BTD: variants seen among roughly 807,000 people sequenced by gnomAD.
BTD encodes biocytinase.
BTD carries 13 observed loss-of-function variants against 17.7 expected under a neutral mutation model. The ratio of observed to expected loss-of-function variants is 0.74; its 90% CI spans 0.48 to 1.17. BTD has a LOEUF of 1.17. Among genes scored for constraint, BTD ranks in the 50% most tolerant of loss-of-function variants. The pLI, the probability that BTD is intolerant of heterozygous loss-of-function variation, is 0.00. For synonymous variants in BTD, 240 were observed against 245.2 expected (o/e 0.98, Z 0.20); for missense variants, 674 against 650.4 (o/e 1.04, Z -0.39).
chr3:15,709,172 A>T (rs1453189765), intron 3 of BTD, among the ~76,000 whole-genome samples: 1 of 152,160 alleles, frequency 6.6e-6, no homozygotes, highest in Non-Finnish European at 1.5e-5. Flanking sequence ...GTGTGGATAT[A>T]TGTGTGTGAG....
intron 3 of BTD, chr3:15,668,296 A>C (rs1009087586): frequency 6.6e-6 from 1 of 152,174 alleles, no homozygotes; most frequent in Admixed American, 6.6e-5. Context: ...GGGAATTCAG[A>C]AGAGAATTCC....
intron 4 of BTD, among the ~76,000 whole-genome samples, chr3:15,719,995 A>G (rs942260473): frequency 8.6e-5 from 13 of 151,990 alleles, no homozygotes; most frequent in African/African-American, 3.1e-4. Context: ...TCAACCTCCC[A>G]AGTAGCTGGG....
intron 1 of BTD, among the ~76,000 whole-genome samples, chr3:15,626,405 G>T (rs1188592823): frequency 2.0e-5 from 3 of 152,104 alleles, no homozygotes; most frequent in African/African-American, 7.2e-5. Flanking sequence ...CATGGAAGAC[G>T]CTGAAACCTC....
intron 1 of BTD, among the ~76,000 whole-genome samples, chr3:15,615,640 G>A (rs113746872): frequency 1.4e-3 from 215 of 152,254 alleles, no homozygotes; most frequent in African/African-American, 5.1e-3. Context: ...ATAAAATTGA[G>A]CAGAAAGTAC....
chr3:15,679,484 A>G (rs773830093), intron 3 of BTD: 2 of 1,613,934 alleles, frequency 1.2e-6, no homozygotes, highest in African/African-American at 1.3e-5. Context: ...ACACGGCACA[A>G]TGCAATGGAC....
rs2065697076 is a variant in BTD, at chr3:15,646,426, T to TA, written c.*940dup. On this transcript the variant is annotated 3_prime_UTR_variant, in exon 4 of 4. Coordinates refer to ENST00000643237, the MANE Select transcript of BTD (RefSeq NM_001370658.1). ...AGCGATGCCTGGCACCCCATAGAGA[T>TA]AAGTTGCAGGGACTGCCGTGAAGGG... 1 of 152,224 alleles carries TA rather than the reference T, an allele frequency of 6.6e-6. No individual in the cohort carries two copies. The highest frequency in any genetic ancestry group is 2.1e-4 in the South Asian group (1 of 4,836). The allele number at this position is 152,224 out of a possible 1,614,324, so 9.4% of individuals were successfully genotyped here. A position where few individuals can be genotyped will look rare whatever the true frequency, so the allele number is the denominator to read the frequency against.
intron 1 of BTD, among the ~76,000 whole-genome samples, chr3:15,622,780 A>G (rs1225980131): frequency 6.6e-6 from 1 of 152,112 alleles, no homozygotes; most frequent in Non-Finnish European, 1.5e-5. Flanking sequence ...TGTTGAATTA[A>G]CCCCTTTATC....
chr3:15,692,668 G>A (rs777750100), intron 3 of BTD, among the ~76,000 whole-genome samples: 7 of 152,184 alleles, frequency 4.6e-5, no homozygotes, highest in Non-Finnish European at 1.0e-4. Flanking sequence ...CCGAATGGGA[G>A]AGTTTCGTGT....
At chr3:15,610,884 CAAA>C (rs1559578028) in intron 1 of BTD, among the ~76,000 whole-genome samples, 2 of 141,668 alleles carry the variant, frequency 1.4e-5, no homozygotes, top group African/African-American at 5.3e-5. Flanking sequence ...TTTTAAAAAA[CAAA>C]GAAGTGATGA....
intron 3 of BTD, among the ~76,000 whole-genome samples, chr3:15,688,009 C>G (rs767849335): frequency 1.3e-5 from 2 of 152,162 alleles, no homozygotes; most frequent in Non-Finnish European, 2.9e-5. Flanking sequence ...TGAAAGGCAT[C>G]TATAGATACA....
At chr3:15,679,490 T>C (rs771137903) in intron 3 of BTD, 3 of 1,613,940 alleles carry the variant, frequency 1.9e-6, no homozygotes, top group Non-Finnish European at 2.5e-6. Context: ...CACAATGCAA[T>C]GGACTAAAAG....
chr3:15,611,631 G>A (rs577834684), intron 1 of BTD, among the ~76,000 whole-genome samples: 1 of 151,504 alleles, frequency 6.6e-6, no homozygotes, highest in South Asian at 2.1e-4. Context: ...TCTTTTATCC[G>A]AAGTTTTGGT....
At chr3:15,627,826 A>G (rs1227150518) in intron 1 of BTD, among the ~76,000 whole-genome samples, 1 of 152,164 alleles carries the variant, frequency 6.6e-6, no homozygotes, top group African/African-American at 2.4e-5. Context: ...GGTTCAAGCT[A>G]TTCTCTTGCT....
At chr3:15,630,625 A>C (rs2065182108) in intron 1 of BTD, among the ~76,000 whole-genome samples, 1 of 152,246 alleles carries the variant, frequency 6.6e-6, no homozygotes, top group African/African-American at 2.4e-5. Flanking sequence ...GGCTAATCAA[A>C]GGCACAGTGC....
At chr3:15,602,198 GAT>G in intron 1 of BTD, 1 of 1,382,186 alleles carries the variant, frequency 7.2e-7, no homozygotes, top group Non-Finnish European at 9.4e-7. Context: ...CCCAGCAAGA[GAT>G]AAAATGACGC....
intron 4 of BTD, among the ~76,000 whole-genome samples, chr3:15,718,729 C>T (rs1162370050): frequency 1.3e-5 from 2 of 152,288 alleles, no homozygotes; most frequent in South Asian, 2.1e-4. Flanking sequence ...TCCGTAATTT[C>T]CATAATACTA....
intron 3 of BTD, among the ~76,000 whole-genome samples, chr3:15,709,221 T>C (rs1252659331): frequency 2.0e-5 from 3 of 152,166 alleles, no homozygotes; most frequent in African/African-American, 7.2e-5. Context: ...ATTACACATA[T>C]ATATTTATAA....
chr3:15,675,865 A>AG, intron 3 of BTD: 1 of 1,500,570 alleles, frequency 6.7e-7, no homozygotes. Context: ...TAAAAGCTCT[A>AG]GGTTAAGGGA....
chr3:15,683,168 T>C (rs926347201), intron 3 of BTD, among the ~76,000 whole-genome samples: 2 of 152,158 alleles, frequency 1.3e-5, no homozygotes, highest in African/African-American at 4.8e-5. Context: ...GTGTGATTTT[T>C]CCAATGGTTA....
Sources: allele counts gnomAD v4.1 joint callset (sites outside exome capture counted in the v4.1 genomes callset), GRCh38; gene constraint gnomAD v4.1.1; transcripts MANE v1.5; gene names NCBI Gene and HGNC (gene_info 2026-07-23, HGNC 2026-07-21).